The following STK33 variants were observed in gnomAD, a reference collection of about 807,000 sequenced individuals.
STK33 encodes serine/threonine-protein kinase 33.
Under a neutral mutation model 58.0 loss-of-function variants are expected in STK33, and 52 were observed. The ratio of observed to expected loss-of-function variants is 0.90; its 90% CI spans 0.72 to 1.13. The LOEUF is 1.13. STK33 is among the 50% of genes most tolerant of loss of function. The pLI is 0.00. For synonymous variants in STK33, 215 were observed against 200.1 expected (o/e 1.07, Z -0.63); for missense variants, 630 against 604.2 (o/e 1.04, Z -0.45).
At chr11:8,360,372 C>T in the STK33 span, among the ~76,000 whole-genome samples, 12 of 152,310 alleles carry the variant, frequency 7.9e-5, no homozygotes, top group South Asian at 1.2e-3. Context: ...CAAAGGAGCA[C>T]GAGAGGCTAG....
At chr11:8,523,346 G>T (rs958837805) in intron 1 of STK33, among the ~76,000 whole-genome samples, 6 of 151,526 alleles carry the variant, frequency 4.0e-5, no homozygotes, top group African/African-American at 1.5e-4. Context: ...TAGGAAGTGA[G>T]GAGCGTCTCT....
the STK33 span, among the ~76,000 whole-genome samples, chr11:8,362,652 G>A: frequency 2.0e-5 from 3 of 152,194 alleles, no homozygotes; most frequent in Admixed American, 1.3e-4. Context: ...AGGGAGGCAC[G>A]TCACTGGCTG....
intron 1 of STK33, among the ~76,000 whole-genome samples, chr11:8,560,978 T>C (rs1253947998): frequency 2.0e-5 from 3 of 152,214 alleles, no homozygotes; most frequent in Middle Eastern, 3.2e-3. Context: ...TCAAACTCTT[T>C]TACAAACCTC....
At chr11:8,371,494 T>C in the STK33 span, among the ~76,000 whole-genome samples, 1 of 152,338 alleles carries the variant, frequency 6.6e-6, no homozygotes, top group African/African-American at 2.4e-5. Flanking sequence ...TGCATTTCTG[T>C]TGTTTTAAGC....
chr11:8,484,598 A>G (rs1950074314), intron 1 of STK33, among the ~76,000 whole-genome samples: 1 of 152,238 alleles, frequency 6.6e-6, no homozygotes, highest in South Asian at 2.1e-4. Context: ...TAAGAATTGT[A>G]TAATTTAAAT....
intron 1 of STK33, among the ~76,000 whole-genome samples, chr11:8,544,221 T>C (rs1019875036): frequency 1.3e-5 from 2 of 151,178 alleles, no homozygotes; most frequent in African/African-American, 4.9e-5. Flanking sequence ...CCATGTGTTC[T>C]CATTGTTCAA....
intron 15 of STK33, among the ~76,000 whole-genome samples, chr11:8,404,448 G>C (rs1938714280): frequency 6.6e-6 from 1 of 152,018 alleles, no homozygotes; most frequent in Non-Finnish European, 1.5e-5. Flanking sequence ...CTTCTCCTGG[G>C]GGCCACAACT....
At chr11:8,360,845 G>A in the STK33 span, among the ~76,000 whole-genome samples, 15 of 152,174 alleles carry the variant, frequency 9.9e-5, no homozygotes, top group Non-Finnish European at 5.9e-5. Flanking sequence ...CTTTTGTGTT[G>A]CTAACCAGGG....
At chr11:8,424,506 T>A (rs1942430335) in intron 14 of STK33, among the ~76,000 whole-genome samples, 1 of 151,886 alleles carries the variant, frequency 6.6e-6, no homozygotes, top group South Asian at 2.1e-4. Context: ...ATATACCCAG[T>A]AATGGGATTG....
chr11:8,518,591 G>A (rs1163777326), intron 1 of STK33, among the ~76,000 whole-genome samples: 2 of 152,154 alleles, frequency 1.3e-5, no homozygotes, highest in African/African-American at 4.8e-5. Context: ...GTATTCAGGA[G>A]ACCCATCTCA....
intron 7 of STK33, among the ~76,000 whole-genome samples, chr11:8,462,297 A>G (rs904975687): frequency 2.0e-5 from 3 of 151,936 alleles, no homozygotes; most frequent in Non-Finnish European, 2.9e-5. Context: ...TAGCATAATA[A>G]AAACAAAATC....
chr11:8,571,912 A>T (rs939387407), intron 1 of STK33, among the ~76,000 whole-genome samples: 32 of 150,228 alleles, frequency 2.1e-4, no homozygotes, highest in African/African-American at 7.0e-4. Flanking sequence ...AATTTAAATT[A>T]AAATTAAATT....
chr11:8,450,028 T>G (rs1228950363), intron 11 of STK33, among the ~76,000 whole-genome samples: 1 of 152,138 alleles, frequency 6.6e-6, no homozygotes, highest in Non-Finnish European at 1.5e-5. Flanking sequence ...AGAAATACCA[T>G]TTGACCCAGC....
intron 11 of STK33, among the ~76,000 whole-genome samples, chr11:8,443,050 C>T (rs145564270): frequency 4.0e-4 from 61 of 152,218 alleles, no homozygotes; most frequent in Non-Finnish European, 7.2e-4. Flanking sequence ...CAAGTGTATG[C>T]ATTTGTCAAA....
At chr11:8,433,279 T>C (rs1453942185) in intron 14 of STK33, among the ~76,000 whole-genome samples, 1 of 152,192 alleles carries the variant, frequency 6.6e-6, no homozygotes, top group Admixed American at 6.5e-5. Flanking sequence ...TTCAAAGAAA[T>C]GATTAGAAAT....
the STK33 span, among the ~76,000 whole-genome samples, chr11:8,340,238 G>C: frequency 6.6e-6 from 1 of 152,180 alleles, no homozygotes; most frequent in African/African-American, 2.4e-5. Flanking sequence ...AACTTGAAAG[G>C]CAAGGTTCTT....
intron 9 of STK33, 28 bp from the exon 10 acceptor site, chr11:8,454,860 A>T: frequency 6.6e-7 from 1 of 1,504,908 alleles, no homozygotes; most frequent in Non-Finnish European, 8.9e-7. Flanking sequence ...AACAAATCAA[A>T]TGAAATGAAT....
At chr11:8,575,512 T>C (rs1324728077) in intron 1 of STK33, among the ~76,000 whole-genome samples, 1 of 152,198 alleles carries the variant, frequency 6.6e-6, no homozygotes, top group Non-Finnish European at 1.5e-5. Flanking sequence ...ACAAATATTG[T>C]ATAATTCTAT....
At chr11:8,515,408 T>C (rs1952687063) in intron 1 of STK33, among the ~76,000 whole-genome samples, 1 of 152,156 alleles carries the variant, frequency 6.6e-6, no homozygotes, top group Non-Finnish European at 1.5e-5. Flanking sequence ...GGCAATTGAA[T>C]CATTAATCAA....
Sources: allele counts gnomAD v4.1 joint callset (sites outside exome capture counted in the v4.1 genomes callset), GRCh38; gene constraint gnomAD v4.1.1; transcripts MANE v1.5; gene names NCBI Gene and HGNC (gene_info 2026-07-23, HGNC 2026-07-21).